The following UBFD1 variants were observed in gnomAD, a reference collection of about 807,000 sequenced individuals.
UBFD1 encodes ubiquitin domain-containing protein UBFD1.
Under a neutral mutation model 35.1 loss-of-function variants are expected in UBFD1, and 12 were observed. That is an observed-to-expected ratio of 0.34 (90% confidence interval 0.22 to 0.55). The LOEUF (loss-of-function observed/expected upper bound fraction) is 0.55. Among genes scored for constraint, UBFD1 ranks in the 20% least tolerant of loss-of-function variants. The probability of loss-of-function intolerance (pLI) is 0.89; values close to 1 mark genes in which losing one functional copy is unlikely to be tolerated. For missense variants in UBFD1, 337 were observed against 410.8 expected, an observed-to-expected ratio of 0.82 and a Z score of 1.55; for synonymous variants, 178 against 167.6, an observed-to-expected ratio of 1.06 and a Z score of -0.48.
chr16:23,557,792 G>T (rs1218890354), intron 1 of UBFD1, 25 bp downstream of exon 1: 23 of 1,273,058 alleles, frequency 1.8e-5, no homozygotes, highest in Middle Eastern at 3.0e-4. Flanking sequence ...GGTGGCGGGC[G>T]CCGGGCCGGG....
chr16:23,571,616 A>C lies in UBFD1; in HGVS notation c.*1026A>C, dbSNP rs1328902787. ...CTTTGGAAGTTTTCAAGAAATTCTT[A>C]AGCAGTCCAAGGATGATTTCAATTA... On this transcript the variant is annotated 3_prime_UTR_variant, in exon 7 of 7. Coordinates refer to ENST00000395878, the MANE Select transcript of UBFD1 (RefSeq NM_019116.3). 6.5e-6 allele frequency: 1 copy of C among 152,704 alleles called. No homozygotes were observed. The highest frequency in any genetic ancestry group is 2.4e-5 in the African/African-American group (1 of 41,472). The allele number at this position is 152,704 out of a possible 1,614,324, so 9.5% of individuals were successfully genotyped here.
At chr16:23,560,725 ATTATC>A (rs1965919997) in intron 3 of UBFD1, among the ~76,000 whole-genome samples, 1 of 152,212 alleles carries the variant, frequency 6.6e-6, no homozygotes, top group South Asian at 2.1e-4. Flanking sequence ...TGAAAGCAAT[ATTATC>A]TTTATAAAAA....
In UBFD1 at chr16:23,559,992, A is replaced by G. The variant is rs1943359916; in HGVS notation, c.564+316A>G. 7 of 944,436 alleles carry G rather than the reference A, an allele frequency of 7.4e-6. No homozygotes were observed. In the South Asian group the frequency reaches 7.7e-5, roughly 10 times the overall value. 58.5% of individuals were successfully genotyped at this position (944,436 alleles called of 1,614,324 possible). A position where few individuals can be genotyped will look rare whatever the true frequency, so the allele number is the denominator to read the frequency against. ...TTATTTAGTGCCAGAGAAAACTACC[A>G]GTACTAGAAGTAAGCCCTCATTTTG... is the stretch of plus-strand genomic sequence containing the variant. On this transcript the variant is annotated intron_variant, in intron 3 of 6. Transcript: ENST00000395878.
chr16:23,564,126 AGTATAGGGG>A (rs1258885667), intron 5 of UBFD1: 1 of 152,194 alleles, frequency 6.6e-6, no homozygotes, highest in Non-Finnish European at 1.5e-5. Context: ...GCTAAAGAGA[AGTATAGGGG>A]GTCCCATCAT....
chr16:23,562,328 T>G, intron 4 of UBFD1, 57 bp downstream of exon 4: 2 of 1,526,010 alleles, frequency 1.3e-6, no homozygotes, highest in Non-Finnish European at 1.8e-6. Flanking sequence ...CCGTCTGACT[T>G]GAGGTTCCTC....
Position 23,574,094 on chromosome 16 carries a change from T to G in UBFD1, c.*3504T>G, listed in dbSNP as rs1233312222. 6.6e-6 allele frequency: 1 copy of G among 152,618 alleles called. No homozygotes were observed. Among genetic ancestry groups the G allele is most frequent in the Non-Finnish European group, 1.5e-5 (1 of 68,036 alleles). The allele number at this position is 152,618 out of a possible 1,614,324, so 9.5% of individuals were successfully genotyped here. ...GCCCTCTCGCATGCAGAACATCTGGTAGATTGATCTGCCAGGCTGGGTGGT... is the reference window on the plus strand; with the variant it reads ...GCCCTCTCGCATGCAGAACATCTGGGAGATTGATCTGCCAGGCTGGGTGGT... On this transcript the variant is annotated 3_prime_UTR_variant, in exon 7 of 7. Transcript: ENST00000395878.
intron 5 of UBFD1, among the ~76,000 whole-genome samples, chr16:23,563,078 A>AT (rs545287840): frequency 0.016 from 2,212 of 139,390 alleles, 24 homozygotes; most frequent in South Asian, 0.025. Flanking sequence ...CACTAATCTG[A>AT]TTTTTTTTTT....
At chr16:23,562,411 G>T in intron 4 of UBFD1, 140 bp downstream of exon 4, 1 of 879,576 alleles carries the variant, frequency 1.1e-6, no homozygotes, top group Admixed American at 2.8e-5. Flanking sequence ...ACCCAGGCTG[G>T]GGTGTGCCAC....
chr16:23,567,106 G>C, intron 6 of UBFD1, 37 bp downstream of exon 6: 2 of 1,586,280 alleles, frequency 1.3e-6, no homozygotes, highest in Non-Finnish European at 1.7e-6. Context: ...CCTCTCACTA[G>C]ACTCCCACTT....
At chr16:23,568,157 CTTT>C (rs34119136) in intron 6 of UBFD1, among the ~76,000 whole-genome samples, 1 of 114,640 alleles carries the variant, frequency 8.7e-6, no homozygotes. Context: ...TCTCTGTAGT[CTTT>C]TTTTTTTTTT....
At position 23,570,488 on chromosome 16, in the gene UBFD1, G is replaced by A. The variant is rs1966068533; in HGVS notation, c.828G>A (p.Gln276=). ...TCCTTTTTCCCTTCCAGGCGTTTCAGTTGGGCCCCACGGAAGCCTCTTACT... is the reference window on the plus strand; with the variant it reads ...TCCTTTTTCCCTTCCAGGCGTTTCAATTGGGCCCCACGGAAGCCTCTTACT... ...GHEDYHMMAF[Q]LGPTEASYYW... Residue 276 remains glutamine (Q), a synonymous_variant, in exon 7 of 7, where the codon CAG becomes CAA. Coordinates refer to ENST00000395878, the MANE Select transcript of UBFD1 (RefSeq NM_019116.3). 2.5e-6 allele frequency: 4 copies of A among 1,613,800 alleles called. No homozygotes were observed. Among genetic ancestry groups the A allele is most frequent in the Admixed American group, 3.3e-5 (2 of 59,964 alleles).
chr16:23,570,624 C>A lies in UBFD1; in HGVS notation c.*34C>A. ...TCACCTCTGGCCCAGGAGACTGACC[C>A]AAAGTGAAGGACATTGCCGGGAGAG... On this transcript the variant is annotated 3_prime_UTR_variant, in exon 7 of 7. Transcript: ENST00000395878. 1 of 1,560,692 alleles carries A rather than the reference C, an allele frequency of 6.4e-7. No homozygotes were observed. Among genetic ancestry groups the A allele is most frequent in the Non-Finnish European group, 8.8e-7 (1 of 1,132,070 alleles).
intron 1 of UBFD1, 86 bp from the exon 2 acceptor site, chr16:23,557,864 C>A: frequency 7.9e-7 from 1 of 1,272,590 alleles, no homozygotes; most frequent in Middle Eastern, 2.5e-4. Context: ...AACCGCGGCT[C>A]GGGAACGGAG....
chr16:23,558,043 C>CG lies in UBFD1; in HGVS notation c.124dup (p.Ala42GlyfsTer53). The stretch of plus-strand genomic sequence containing the variant: ...AACTGCCTGGAGGCTGAAGCCGCGG[C>CG]GGGGGCGGCGGCCGAGGACTCCGGC... On this transcript the variant is annotated frameshift_variant, in exon 2 of 7. Coordinates refer to ENST00000395878, the MANE Select transcript of UBFD1 (RefSeq NM_019116.3). LOFTEE classifies it high-confidence loss of function. 7.5e-7 allele frequency: 1 copy of CG among 1,338,712 alleles called. No homozygotes were observed. The highest frequency in any genetic ancestry group is 3.0e-5 in the East Asian group (1 of 32,812). The allele number at this position is 1,338,712 out of a possible 1,614,324, so 82.9% of individuals were successfully genotyped here. A position where few individuals can be genotyped will look rare whatever the true frequency, so the allele number is the denominator to read the frequency against.
chr16:23,563,815 T>A (rs1440002155), intron 5 of UBFD1, among the ~76,000 whole-genome samples: 3 of 152,246 alleles, frequency 2.0e-5, no homozygotes, highest in Admixed American at 2.0e-4. Flanking sequence ...TTTGCACAGC[T>A]CCTTGTCTTT....
At chr16:23,570,306 C>G (rs1210774792) in intron 6 of UBFD1, among the ~76,000 whole-genome samples, 174 bp from the exon 7 acceptor site, 1 of 152,312 alleles carries the variant, frequency 6.6e-6, no homozygotes, top group South Asian at 2.1e-4. Context: ...CAGCTTAACC[C>G]TCAGCCTGCC....
rs558869338 is a variant in UBFD1 at position 23,557,759 on chromosome 16, C to T, written c.17C>T (p.Ala6Val). The change falls in exon 1 of 7, where the codon GCC becomes GTC. Residue 6 changes from alanine (A) to valine (V), a missense_variant. Ala to Val is a moderately conservative substitution (Grantham distance 64). Transcript: ENST00000395878. Reference protein sequence around the residue: MAAAGAPDGMEEPGMD... With the variant: MAAAGVPDGMEEPGMD... ...ACAATCATCATGGCGGCGGCCGGGGCCCCGGATGGTGAGTGCGGCGGGGGT... is the reference window on the plus strand; with the variant it reads ...ACAATCATCATGGCGGCGGCCGGGGTCCCGGATGGTGAGTGCGGCGGGGGT... The T allele has an allele frequency of 4.6e-6, 6 of 1,300,510 alleles. No homozygotes were observed. The Admixed American group carries it at 1.2e-4, about 25-fold the overall frequency. 80.6% of individuals were successfully genotyped at this position (1,300,510 alleles called of 1,614,324 possible). A position where few individuals can be genotyped will look rare whatever the true frequency, so the allele number is the denominator to read the frequency against.
rs1966077311 is a variant in UBFD1, at chr16:23,571,049, T to G, written c.*459T>G. The G allele has an allele frequency of 6.6e-6, 1 of 152,658 alleles. No individual in the cohort carries two copies. Among genetic ancestry groups the G allele is most frequent in the African/African-American group, 2.4e-5 (1 of 41,450 alleles). 9.5% of individuals were successfully genotyped at this position (152,658 alleles called of 1,614,324 possible). ...GAGTTGGGGTGTTTTTTTTTTCCTT[T>G]TTTGTATAAAATTGTATGCAAAATG... On this transcript the variant is annotated 3_prime_UTR_variant, in exon 7 of 7. Transcript: ENST00000395878.
At position 23,558,170 on chromosome 16, in the gene UBFD1, C is replaced by T. The variant is rs765330768; in HGVS notation, c.246C>T (p.Gly82=). The change falls in exon 2 of 7, where the codon GGC becomes GGT. Residue 82 remains glycine (G), a synonymous_variant. Coordinates refer to ENST00000395878, the MANE Select transcript of UBFD1 (RefSeq NM_019116.3). The stretch of plus-strand genomic sequence containing the variant: ...GCGAAGACGCGGGCGGCGGCGCGGG[C>T]AGGGAGCTGGTGGACTTGAAGATCA... The part of the protein sequence containing the change: ...SNGEDAGGGA[G]RELVDLKIIW... 2.5e-6 allele frequency: 4 copies of T among 1,606,002 alleles called. No homozygotes were observed. The highest frequency in any genetic ancestry group is 2.3e-5 in the East Asian group (1 of 43,860).
Sources: gnomAD v4.1 joint callset for allele counts (sites outside exome capture counted in the v4.1 genomes callset) on GRCh38, gnomAD v4.1.1 for gene constraint, MANE v1.5 for transcripts, NCBI Gene and HGNC (gene_info 2026-07-23, HGNC 2026-07-21) for gene names.